Variants in SLC26A8 observed in about 807,000 individuals in gnomAD.
The protein encoded by SLC26A8 is solute carrier family 26 member 8.
SLC26A8 carries 70 observed loss-of-function variants against 105.0 expected under a neutral mutation model. The observed-to-expected ratio is 0.67, with a 90% CI of 0.55 to 0.81. The LOEUF is 0.81. SLC26A8 is among the 40% of genes least tolerant of loss of function. SLC26A8 has a pLI of 0.00. For missense variants in SLC26A8, 998 were observed against 1,181.8 expected, an observed-to-expected ratio of 0.84 and a Z score of 2.28; for synonymous variants, 415 against 438.3, an observed-to-expected ratio of 0.95 and a Z score of 0.66.
chr6:36,010,304 C>T (rs1368598126), intron 3 of SLC26A8, among the ~76,000 whole-genome samples: 1 of 152,162 alleles, frequency 6.6e-6, no homozygotes, highest in East Asian at 1.9e-4. Flanking sequence ...ATCTCAAAGG[C>T]ACAATGCATA....
intron 1 of SLC26A8, 44 bp from the exon 2 acceptor site, chr6:36,019,753 A>G (rs1453312992): frequency 2.0e-6 from 3 of 1,515,586 alleles, no homozygotes; most frequent in Non-Finnish European, 2.7e-6. Flanking sequence ...ATTTTCAGTA[A>G]TCCAGATCCT....
chr6:36,019,931 T>C (rs769951193), intron 1 of SLC26A8, among the ~76,000 whole-genome samples: 1 of 152,238 alleles, frequency 6.6e-6, no homozygotes, highest in Non-Finnish European at 1.5e-5. Context: ...TCTTTGCTGT[T>C]TGATACTTAT....
At chr6:35,992,755 G>T in intron 5 of SLC26A8, 81 bp from the exon 6 acceptor site, 1 of 1,427,858 alleles carries the variant, frequency 7.0e-7, no homozygotes, top group Non-Finnish European at 9.4e-7. Flanking sequence ...AGGAAAAGAA[G>T]GGTTTCCAAT....
chr6:35,986,502 A>C (rs114701136), intron 7 of SLC26A8, among the ~76,000 whole-genome samples: 297 of 151,368 alleles, frequency 2.0e-3, no homozygotes, highest in African/African-American at 7.0e-3. Flanking sequence ...TCCCCAAACC[A>C]CTCTCCCGCA....
At position 35,987,916 on chromosome 6, in the gene SLC26A8, T is replaced by TC. The variant is rs962624050; in HGVS notation, c.942+3742_942+3743insG. ...AAATTCAGCAACCTTTCTTTCTTTT[T>TC]TTTTTTTTTTTTTTACATGGAGTCT... On this transcript the variant is annotated intron_variant, in intron 7 of 19. Transcript: ENST00000490799. 6.0e-5 allele frequency among the ~76,000 whole-genome samples: 9 copies of TC among 150,466 alleles called. No homozygotes were observed. In the South Asian group the frequency reaches 6.3e-4, roughly 11 times the overall value.
intron 5 of SLC26A8, among the ~76,000 whole-genome samples, chr6:35,997,453 A>G (rs1761386731): frequency 6.6e-6 from 1 of 152,142 alleles, no homozygotes; most frequent in Admixed American, 6.5e-5. Flanking sequence ...AAGGTTGGGG[A>G]CCACTGCTCT....
chr6:36,005,862 T>C (rs1265413049), intron 3 of SLC26A8, among the ~76,000 whole-genome samples: 1 of 152,216 alleles, frequency 6.6e-6, no homozygotes, highest in Non-Finnish European at 1.5e-5. Context: ...AAGGTGATTT[T>C]GTATTTTCTT....
At chr6:36,011,062 C>A (rs1424769048) in intron 3 of SLC26A8, among the ~76,000 whole-genome samples, 1 of 152,150 alleles carries the variant, frequency 6.6e-6, no homozygotes, top group Non-Finnish European at 1.5e-5. Context: ...TTCAACCCTG[C>A]CTGTTGAGCC....
Position 35,991,446 on chromosome 6 carries a change from A to G in SLC26A8, c.942+213T>C, listed in dbSNP as rs1761153133. Among the ~76,000 whole-genome samples the G allele has an allele frequency of 2.6e-5, 4 of 151,886 alleles. No individual in the cohort carries two copies. The South Asian group carries it at 8.3e-4, about 31-fold the overall frequency. On this transcript the variant is annotated intron_variant, in intron 7 of 19. Transcript: ENST00000490799. ...ACTTGATTTAAACATTTCACTATGT[A>G]TATCAGAATATCACATCATAAACAA...
intron 16 of SLC26A8, 99 bp from the exon 17 acceptor site, chr6:35,955,619 C>G: frequency 1.4e-6 from 2 of 1,462,634 alleles, no homozygotes; most frequent in Non-Finnish European, 1.8e-6. Flanking sequence ...GCTCATGTCC[C>G]TCTCTCATGA....
At chr6:35,951,097 C>T in intron 19 of SLC26A8, 66 bp downstream of exon 19, 4 of 1,363,036 alleles carry the variant, frequency 2.9e-6, no homozygotes, top group South Asian at 1.2e-5. Context: ...CCCAACCACC[C>T]CTCACCCATC....
chr6:36,009,598 G>A (rs1420284713), intron 3 of SLC26A8, among the ~76,000 whole-genome samples: 1 of 152,144 alleles, frequency 6.6e-6, no homozygotes, highest in Non-Finnish European at 1.5e-5. Context: ...ATACCAAAGG[G>A]TTATATGCTG....
At chr6:36,020,561 G>A (rs1364476482) in intron 1 of SLC26A8, among the ~76,000 whole-genome samples, 1 of 152,156 alleles carries the variant, frequency 6.6e-6, no homozygotes, top group African/African-American at 2.4e-5. Context: ...GGAGGTTGCA[G>A]TGAGCTGGGA....
At position 35,997,861 on chromosome 6, in the gene SLC26A8, G is replaced by A. The variant is rs1409712633; in HGVS notation, c.504C>T (p.Asn168=). The A allele has an allele frequency of 3.7e-6, 6 of 1,614,068 alleles. No homozygotes were observed. The highest frequency in any genetic ancestry group is 5.1e-6 in the Non-Finnish European group (6 of 1,180,030). ...AAGATCCCATGACCAGTTGACCGTT[G>A]TTGAATGGGCTCACTTTCAGAACGT... The part of the protein sequence containing the change: ...LINVLKVSPF[N]NGQLVMGSFV... Residue 168 remains asparagine (N), a synonymous_variant, in exon 5 of 20, where the codon AAC becomes AAT. Coordinates refer to ENST00000490799, the MANE Select transcript of SLC26A8 (RefSeq NM_052961.4).
chr6:36,004,369 C>A (rs1255687121), intron 3 of SLC26A8, among the ~76,000 whole-genome samples: 1 of 152,116 alleles, frequency 6.6e-6, no homozygotes, highest in Non-Finnish European at 1.5e-5. Context: ...AGCCATTGCA[C>A]CTAAGCATAA....
At chr6:35,945,272 CTCAA>C (rs1409091919) in intron 19 of SLC26A8, among the ~76,000 whole-genome samples, 1 of 152,186 alleles carries the variant, frequency 6.6e-6, no homozygotes, top group African/African-American at 2.4e-5. Flanking sequence ...ATTCTTCAGA[CTCAA>C]TCAATTTCCA....
At chr6:35,953,733 T>C (rs945639497) in intron 17 of SLC26A8, among the ~76,000 whole-genome samples, 1 of 152,154 alleles carries the variant, frequency 6.6e-6, no homozygotes, top group African/African-American at 2.4e-5. Flanking sequence ...TCTCATTTTG[T>C]AGATTAGGAA....
rs150956577 is a variant in SLC26A8 at position 35,980,233 on chromosome 6, A to G, written c.1025+1888T>C. On this transcript the variant is annotated intron_variant, in intron 8 of 19. Transcript: ENST00000490799. ...AGTGATCCACCTGCCTCAGCTTCCC[A>G]AACTGCTGGGATTACAGGCATGAGG... Among the ~76,000 whole-genome samples the G allele has an allele frequency of 3.1e-4, 47 of 152,308 alleles. 1 individual carries two copies. The East Asian group carries it at 9.1e-3, about 29-fold the overall frequency.
intron 2 of SLC26A8, among the ~76,000 whole-genome samples, chr6:36,018,672 TCAC>T: frequency 6.6e-6 from 1 of 152,366 alleles, no homozygotes; most frequent in Non-Finnish European, 1.5e-5. Context: ...TATACATATT[TCAC>T]CACAATAAAA....
Sources: allele counts gnomAD v4.1 joint callset (sites outside exome capture counted in the v4.1 genomes callset), GRCh38; gene constraint gnomAD v4.1.1; transcripts MANE v1.5; gene names NCBI Gene and HGNC (gene_info 2026-07-23, HGNC 2026-07-21).